Variants in PPP1R3F observed in about 807,000 individuals in gnomAD.
PPP1R3F encodes protein phosphatase 1, regulatory (inhibitor) subunit 3F.
Under a neutral mutation model 24.2 loss-of-function variants are expected in PPP1R3F, and 29 were observed. The observed-to-expected ratio is 1.20, with a 90% confidence interval of 0.89 to 1.63. PPP1R3F has a LOEUF of 1.63. Among genes scored for constraint, PPP1R3F ranks in the 40% most tolerant of loss-of-function variants. PPP1R3F has a pLI of 0.00. For missense variants in PPP1R3F, 823 were observed against 729.3 expected (o/e 1.13, Z -1.48); for synonymous variants, 363 against 340.1 (o/e 1.07, Z -0.74).
At chrX:49,285,663 T>C (rs1488342218) in intron 3 of PPP1R3F, among the ~76,000 whole-genome samples, 171 bp from the exon 4 acceptor site, 1 of 111,892 alleles carries the variant, frequency 8.9e-6, no homozygotes, top group Non-Finnish European at 1.9e-5. Context: ...TAGATGACAG[T>C]CTTTGGAGTC....
intron 1 of PPP1R3F, among the ~76,000 whole-genome samples, chrX:49,278,095 G>A (rs2066225415): frequency 8.9e-6 from 1 of 112,239 alleles, no homozygotes; most frequent in Non-Finnish European, 1.9e-5. Context: ...GATTGATTGT[G>A]TATTTGTTTT....
In PPP1R3F at chrX:49,281,827, CA is replaced by C. The variant is rs1334189648; in HGVS notation, c.1061-144del. ...TTGGTGACACATCGAGACCCTATCT[CA>C]AAAAAAAAATGAAGGGGTACCCTCT... On this transcript the variant is annotated intron_variant, in intron 2 of 3. Coordinates refer to ENST00000055335, the MANE Select transcript of PPP1R3F (RefSeq NM_033215.5). 7.1e-4 allele frequency among the ~76,000 whole-genome samples: 76 copies of C among 106,352 alleles called. 1 individual carries two copies. The highest frequency in any genetic ancestry group is 2.1e-3 in the African/African-American group (63 of 29,464). 92.4% of individuals were successfully genotyped at this position (106,352 alleles called of 115,157 possible).
chrX:49,291,288 TTCTCTCTCTCTCTCTCTC>T (rs781932322), downstream of PPP1R3F, among the ~76,000 whole-genome samples: 6 of 50,611 alleles, frequency 1.2e-4, no homozygotes, highest in Non-Finnish European at 1.8e-4. Flanking sequence ...CAGCCTACTT[TTCTCTCTCTCTCTCTCTC>T]TCTCTCTCTC....
Position 49,286,680 on chromosome X carries a change from G to C in PPP1R3F, c.1990G>C (p.Glu664Gln). The part of the protein sequence containing the change: ...HMNRVIAGVT[E>Q]SLGEAGTEAQ... ...GAATAGGGTGATAGCTGGGGTGACT[G>C]AGTCCCTGGGGGAGGCCGGGACAGA... The change falls in exon 4 of 4, where the codon GAG (glutamate) becomes CAG (glutamine). Residue 664 changes from glutamate to glutamine, a missense_variant. Physicochemically the swap from Glu to Gln is conservative, Grantham distance 29 (BLOSUM62 2). Transcript: ENST00000055335. 8.3e-7 allele frequency: 1 copy of C among 1,210,131 alleles called. No homozygotes were observed. Among genetic ancestry groups the C allele is most frequent in the South Asian group, 1.8e-5 (1 of 56,570 alleles).
intron 1 of PPP1R3F, chrX:49,275,279 G>A (rs2066205696): frequency 9.0e-6 from 1 of 111,685 alleles, no homozygotes; most frequent in South Asian, 3.7e-4. Flanking sequence ...GTCTTCCCTT[G>A]CCTTGAGACC....
downstream of PPP1R3F, among the ~76,000 whole-genome samples, chrX:49,291,288 TTCTCTCTCTCTCTCTC>T (rs781932322): frequency 3.0e-4 from 15 of 50,611 alleles, no homozygotes; most frequent in African/African-American, 9.0e-4. Flanking sequence ...CAGCCTACTT[TTCTCTCTCTCTCTCTC>T]TCTCTCTCTC....
intron 3 of PPP1R3F, 148 bp from the exon 4 acceptor site, chrX:49,285,684 CAG>C (rs1219799581): frequency 1.7e-5 from 8 of 458,134 alleles, no homozygotes; most frequent in Middle Eastern, 6.2e-4. Context: ...TAGACAGTGA[CAG>C]AGGGCGCTTT....
Position 49,286,013 on chromosome X carries a change from G to A in PPP1R3F, c.1323G>A (p.Glu441=), listed in dbSNP as rs782163867. The A allele has an allele frequency of 4.2e-6, 5 of 1,177,262 alleles. No individual in the cohort carries two copies. Among genetic ancestry groups the A allele is most frequent in the Non-Finnish European group, 5.7e-6 (5 of 876,007 alleles). ...RDQASGPDAS[E]GATGPFLEPS... ...AGGCCTCAGGGCCCGATGCGAGCGA[G>A]GGGGCCACCGGGCCTTTCCTGGAGC... Residue 441 remains glutamate, a synonymous_variant, in exon 4 of 4, where the codon GAG becomes GAA. Coordinates refer to ENST00000055335, the MANE Select transcript of PPP1R3F (RefSeq NM_033215.5).
intron 1 of PPP1R3F, among the ~76,000 whole-genome samples, chrX:49,278,250 TGGA>T (rs1557120259): frequency 8.9e-6 from 1 of 112,077 alleles, no homozygotes; most frequent in Non-Finnish European, 1.9e-5. Context: ...CTAGGCCAGA[TGGA>T]GGAGAAGGCT....
At position 49,270,460 on chromosome X, in the gene PPP1R3F, C is replaced by T. The variant is rs2066168139; in HGVS notation, c.591C>T (p.Arg197=). 8.3e-7 allele frequency: 1 copy of T among 1,200,722 alleles called. No individual in the cohort carries two copies. The highest frequency in any genetic ancestry group is 1.1e-6 in the Non-Finnish European group (1 of 894,013). The change falls in exon 1 of 4, where the codon CGC becomes CGT. Residue 197 remains arginine, a synonymous_variant. Transcript: ENST00000055335. ...GWASFCDHPA[R]YVPRSPPWAG... is the part of the protein sequence containing the mutation. ...CTTCCTTTTGCGACCACCCAGCGCG[C>T]TACGTCCCGCGCAGCCCGCCGTGGG...
intron 3 of PPP1R3F, among the ~76,000 whole-genome samples, chrX:49,296,554 T>G (rs1303148415): frequency 8.9e-6 from 1 of 111,840 alleles, no homozygotes; most frequent in Non-Finnish European, 1.9e-5. Flanking sequence ...TCTTGTCTTT[T>G]GCTAGCATTT....
chrX:49,283,818 C>T (rs2066263731), intron 3 of PPP1R3F, among the ~76,000 whole-genome samples: 1 of 109,972 alleles, frequency 9.1e-6, no homozygotes, highest in Non-Finnish European at 1.9e-5. Context: ...TTTAATTTAT[C>T]AAATTGTATT....
At chrX:49,278,575 AT>A (rs2066228361) in intron 1 of PPP1R3F, among the ~76,000 whole-genome samples, 1 of 111,957 alleles carries the variant, frequency 8.9e-6, no homozygotes, top group Non-Finnish European at 1.9e-5. Flanking sequence ...GCCCTGTAGT[AT>A]TCTGATTCAA....
In PPP1R3F at chrX:49,270,186, C is replaced by T. The variant is rs1261536898; in HGVS notation, c.317C>T (p.Pro106Leu). ...TGCCCCGAGCCCTCACCGCTGTGCCCCGTCCCCGCTGGCGGGGGGTTTTAC... is the reference window on the plus strand; with the variant it reads ...TGCCCCGAGCCCTCACCGCTGTGCCTCGTCCCCGCTGGCGGGGGGTTTTAC... ...EACPEPSPLC[P>L]VPAGGGFYLV... Residue 106 changes from proline (P) to leucine (L), a missense_variant, in exon 1 of 4, where the codon CCC (proline) becomes CTC (leucine). Transcript: ENST00000055335. The T allele has an allele frequency of 3.6e-6, 4 of 1,096,762 alleles. No individual in the cohort carries two copies. The highest frequency in any genetic ancestry group is 4.7e-6 in the Non-Finnish European group (4 of 847,358). The allele number at this position is 1,096,762 out of a possible 1,213,427, so 90.4% of individuals were successfully genotyped here.
downstream of PPP1R3F, among the ~76,000 whole-genome samples, chrX:49,290,391 A>T (rs1394927411): frequency 9.0e-6 from 1 of 110,732 alleles, no homozygotes; most frequent in Non-Finnish European, 1.9e-5. Flanking sequence ...TTGTCCTCAG[A>T]TGTTGGGGTC....
chrX:49,270,914 G>A lies in PPP1R3F; in HGVS notation c.1004+41G>A, dbSNP rs782497589. 99 of 1,124,268 alleles carry A rather than the reference G, an allele frequency of 8.8e-5. No individual in the cohort carries two copies. In the South Asian group the frequency reaches 1.9e-3, roughly 22 times the overall value. 92.7% of individuals were successfully genotyped at this position (1,124,268 alleles called of 1,213,427 possible). A position where few individuals can be genotyped will look rare whatever the true frequency, so the allele number is the denominator to read the frequency against. On this transcript the variant is annotated intron_variant, in intron 1 of 3. Coordinates refer to ENST00000055335, the MANE Select transcript of PPP1R3F (RefSeq NM_033215.5). The stretch of plus-strand genomic sequence containing the variant: ...GCCACCTCCGCCAACGCAGGGCTGT[G>A]TCTGGGATGGAGGACAAGCATTCCG...
chrX:49,285,205 A>G lies in PPP1R3F; in HGVS notation c.1144-629A>G, dbSNP rs782138958. On this transcript the variant is annotated intron_variant, in intron 3 of 3. Transcript: ENST00000055335. ...TGTGTGTTACAAACAATCCACTTAC[A>G]CTCTTTATTTTTTTTTTTTTGAGAC... Among the ~76,000 whole-genome samples the G allele has an allele frequency of 4.4e-4, 46 of 105,610 alleles. No homozygotes were observed. The East Asian group carries it at 0.013, about 30-fold the overall frequency. 91.7% of individuals were successfully genotyped at this position (105,610 alleles called of 115,157 possible).
intron 1 of PPP1R3F, chrX:49,275,819 C>T (rs1285948437): frequency 9.0e-6 from 1 of 111,506 alleles, no homozygotes; most frequent in East Asian, 2.8e-4. Flanking sequence ...TTGTAAGCTT[C>T]CTAGTTGGGT....
At chrX:49,297,207 T>TTATG (rs1284574346) in intron 3 of PPP1R3F, among the ~76,000 whole-genome samples, 1 of 104,989 alleles carries the variant, frequency 9.5e-6, no homozygotes, top group Non-Finnish European at 1.9e-5. Flanking sequence ...ATTTATTTAT[T>TTATG]TATTTATTTA....
Sources: gnomAD v4.1 joint callset for allele counts (sites outside exome capture counted in the v4.1 genomes callset) on GRCh38, gnomAD v4.1.1 for gene constraint, MANE v1.5 for transcripts, NCBI Gene and HGNC (gene_info 2026-07-23, HGNC 2026-07-21) for gene names.